Variants in DRP2 observed in about 807,000 individuals in gnomAD.
The protein encoded by DRP2 is dystrophin related protein 2.
A neutral mutation model predicts 78.2 loss-of-function variants in DRP2; 29 were observed. That is an observed-to-expected ratio of 0.37 (90% CI 0.28 to 0.51). DRP2 has a LOEUF of 0.51. Ranked by LOEUF, DRP2 falls within the 20% of genes least tolerant of loss-of-function variation. DRP2 has a pLI of 0.94. For synonymous variants in DRP2, 290 were observed against 281.9 expected, an observed-to-expected ratio of 1.03 and a Z score of -0.29; for missense variants, 686 against 770.6, an observed-to-expected ratio of 0.89 and a Z score of 1.30.
In DRP2 at chrX:101,263,161, A is replaced by G. The variant is rs1354779099; in HGVS notation, c.*2540A>G. The G allele has an allele frequency of 8.9e-6, 1 of 111,995 alleles. No homozygotes were observed. The highest frequency in any genetic ancestry group is 3.2e-5 in the African/African-American group (1 of 30,776). The allele number at this position is 111,995 out of a possible 1,213,427, so 9.2% of individuals were successfully genotyped here. A position where few individuals can be genotyped will look rare whatever the true frequency, so the allele number is the denominator to read the frequency against. ...GAGTGTATTGTTCAAGGGTCCAGGG[A>G]CAGTCACTGCAGTATGTGTGGGGAA... On this transcript the variant is annotated 3_prime_UTR_variant, in exon 24 of 24. Coordinates refer to ENST00000395209, the MANE Select transcript of DRP2 (RefSeq NM_001939.3).
chrX:101,253,980 C>T (rs1490505524), intron 17 of DRP2, among the ~76,000 whole-genome samples: 4 of 109,957 alleles, frequency 3.6e-5, no homozygotes, highest in East Asian at 2.8e-4. Flanking sequence ...CATATAAAAG[C>T]GTTTAAAGTA....
Position 101,260,661 on chromosome X carries a change from T to A in DRP2, c.*40T>A, listed in dbSNP as rs1404989061. The A allele has an allele frequency of 8.5e-7, 1 of 1,176,338 alleles. No individual in the cohort carries two copies. Among genetic ancestry groups the A allele is most frequent in the Non-Finnish European group, 1.1e-6 (1 of 878,397 alleles). On this transcript the variant is annotated 3_prime_UTR_variant, in exon 24 of 24. Transcript: ENST00000395209. ...CATCCTATAGTTCATAGTCCTCTCC[T>A]GGTTCCGGTCAAAGCCTTTCCTCAG...
chrX:101,260,005 T>G (rs1158254105), intron 22 of DRP2, 44 bp from the exon 23 acceptor site: 4 of 1,207,254 alleles, frequency 3.3e-6, no homozygotes, highest in Non-Finnish European at 4.5e-6. Context: ...CAGAGTAAGG[T>G]CAGGAAGGCA....
Position 101,242,949 on chromosome X carries a change from G to C in DRP2, c.1021G>C (p.Asp341His). Residue 341 changes from aspartate (D) to histidine (H), a missense_variant, in exon 9 of 24, where the codon GAC becomes CAC. Physicochemically the swap from Asp to His is moderately conservative, Grantham distance 81. Around this residue, in one of 2 missense-constraint regions of DRP2, gnomAD observed 423 missense variants for 531.5 expected, o/e 0.80. Coordinates refer to ENST00000395209, the MANE Select transcript of DRP2 (RefSeq NM_001939.3). Reference protein sequence around the residue: ...RLKQLQDAHRDFGPGSQHFLS... With the variant: ...RLKQLQDAHRHFGPGSQHFLS... The stretch of plus-strand genomic sequence containing the variant: ...TAAGCAGCTCCAGGATGCCCACCGG[G>C]ACTTTGGGCCTGGGTCACAGCACTT... 1 of 1,208,898 alleles carries C rather than the reference G, an allele frequency of 8.3e-7. No homozygotes were observed. Among genetic ancestry groups the C allele is most frequent in the Middle Eastern group, 2.3e-4 (1 of 4,344 alleles).
At chrX:101,250,048 A>G (rs903007208) in intron 14 of DRP2, among the ~76,000 whole-genome samples, 1 of 111,080 alleles carries the variant, frequency 9.0e-6, no homozygotes, top group Non-Finnish European at 1.9e-5. Flanking sequence ...CTGAGCCCGT[A>G]CCCCATCATC....
rs764212804 is a variant in DRP2, at chrX:101,256,083, T to A, written c.2247-35T>A. ...CTGAGTTGTTTCTCTGTTCAACAAC[T>A]GGTCACCTACTCTGCTTTCCCCACA... On this transcript the variant is annotated intron_variant, in intron 20 of 23. Coordinates refer to ENST00000395209, the MANE Select transcript of DRP2 (RefSeq NM_001939.3). 5.3e-6 allele frequency: 6 copies of A among 1,130,231 alleles called. No individual in the cohort carries two copies. In the African/African-American group the frequency reaches 9.2e-5, roughly 17 times the overall value. The allele number at this position is 1,130,231 out of a possible 1,213,427, so 93.1% of individuals were successfully genotyped here.
intron 3 of DRP2, 44 bp downstream of exon 3, chrX:101,231,808 C>A (rs777122941): frequency 1.8e-6 from 2 of 1,116,842 alleles, no homozygotes; most frequent in East Asian, 6.0e-5. Flanking sequence ...AGAAAGTGGA[C>A]ACAGGATCTG....
At chrX:101,243,409 A>C (rs963583185) in intron 9 of DRP2, among the ~76,000 whole-genome samples, 3 of 102,257 alleles carry the variant, frequency 2.9e-5, no homozygotes, top group African/African-American at 3.9e-5. Flanking sequence ...AAAAAAAAAA[A>C]AAAAAAACAC....
In DRP2 at chrX:101,234,674, G is replaced by A. The variant is rs185839146; in HGVS notation, c.118-1186G>A. 4.1e-3 allele frequency among the ~76,000 whole-genome samples: 456 copies of A among 111,214 alleles called. 2 individuals are homozygous for A. Among genetic ancestry groups the A allele is most frequent in the Middle Eastern group, 0.019 (4 of 215 alleles). On this transcript the variant is annotated intron_variant, in intron 3 of 23. Coordinates refer to ENST00000395209, the MANE Select transcript of DRP2 (RefSeq NM_001939.3). ...CCGGATCCTGCTATGGACTCCCCAG[G>A]CAGCACAGGTAGGATCAGCTCCTGG...
intron 17 of DRP2, 100 bp downstream of exon 17, chrX:101,252,816 G>A (rs917149294): frequency 2.0e-5 from 12 of 612,894 alleles, no homozygotes; most frequent in Admixed American, 3.4e-5. Context: ...CTGCTCTCCC[G>A]TGGGGAGCAT....
intron 3 of DRP2, among the ~76,000 whole-genome samples, chrX:101,232,400 G>T (rs1264211525): frequency 5.4e-5 from 6 of 111,337 alleles, no homozygotes; most frequent in Admixed American, 9.5e-5. Context: ...CTGGAGAAGG[G>T]AGACGCATAA....
At chrX:101,235,336 C>T (rs955740880) in intron 3 of DRP2, among the ~76,000 whole-genome samples, 5 of 112,396 alleles carry the variant, frequency 4.4e-5, no homozygotes, top group African/African-American at 1.3e-4. Context: ...GGAAGTAAGA[C>T]GTGGACCACT....
Position 101,260,495 on chromosome X carries a change from A to G in DRP2, c.2750-2A>G. On this transcript the variant is annotated splice_acceptor_variant, in intron 23 of 23. Coordinates refer to ENST00000395209, the MANE Select transcript of DRP2 (RefSeq NM_001939.3). LOFTEE classifies it high-confidence loss of function. The stretch of plus-strand genomic sequence containing the variant: ...TTCTCAAATCTCTGTTTTTTAACCC[A>G]GATGATGTGGGGTCAAAGAGCCAGG... The G allele has an allele frequency of 4.1e-6, 5 of 1,208,839 alleles. No individual in the cohort carries two copies. Among genetic ancestry groups the G allele is most frequent in the Non-Finnish European group, 3.4e-6 (3 of 894,520 alleles).
chrX:101,246,710 C>T (rs755486827), intron 11 of DRP2, among the ~76,000 whole-genome samples: 1 of 112,172 alleles, frequency 8.9e-6, no homozygotes, highest in East Asian at 2.8e-4. Flanking sequence ...TGTTTTCACT[C>T]TATGCAATCT....
Position 101,248,074 on chromosome X carries a change from T to C in DRP2, c.1253-15T>C, listed in dbSNP as rs1922992494. Reference sequence around the variant, plus strand: ...TTGGCTATATTTTTTTTCTCTTCTCTTCTTTCCTTACCAGTGGACCTGGTA... The same window carrying C: ...TTGGCTATATTTTTTTTCTCTTCTCCTCTTTCCTTACCAGTGGACCTGGTA... On this transcript the variant is annotated splice_polypyrimidine_tract_variant and intron_variant, in intron 12 of 23. Transcript: ENST00000395209. 1 of 1,205,793 alleles carries C rather than the reference T, an allele frequency of 8.3e-7. No homozygotes were observed. The highest frequency in any genetic ancestry group is 1.1e-6 in the Non-Finnish European group (1 of 891,770).
intron 2 of DRP2, 65 bp downstream of exon 2, chrX:101,224,771 T>G (rs2147327624): frequency 8.9e-6 from 1 of 112,561 alleles, no homozygotes; most frequent in Admixed American, 9.4e-5. Flanking sequence ...GTTGGGGAGC[T>G]TGTCCATATA....
At chrX:101,239,617 G>A (rs888967185) in intron 6 of DRP2, among the ~76,000 whole-genome samples, 3 of 110,624 alleles carry the variant, frequency 2.7e-5, no homozygotes, top group Non-Finnish European at 5.7e-5. Flanking sequence ...TCGCTCTGTC[G>A]CCCAGGCTGA....
rs62600775 is a variant in DRP2 at position 101,241,051 on chromosome X, C to T, written c.560-617C>T. ...CAGAAACTAATGCAAAATCACATTC[C>T]AGGGTCGTATGAATAGGGCTCTAGA... On this transcript the variant is annotated intron_variant, in intron 6 of 23. Coordinates refer to ENST00000395209, the MANE Select transcript of DRP2 (RefSeq NM_001939.3). Among the ~76,000 whole-genome samples the T allele has an allele frequency of 8.5e-3, 949 of 112,201 alleles. 6 individuals carry two copies. The highest frequency in any genetic ancestry group is 0.014 in the Non-Finnish European group (725 of 53,241).
chrX:101,226,868 A>G (rs1337574167), intron 2 of DRP2, among the ~76,000 whole-genome samples: 20 of 112,015 alleles, frequency 1.8e-4, no homozygotes, highest in Non-Finnish European at 2.3e-4. Flanking sequence ...TCTGTTGCTT[A>G]TAACAGAATA....
Sources: allele counts gnomAD v4.1 joint callset (sites outside exome capture counted in the v4.1 genomes callset), GRCh38; gene constraint gnomAD v4.1.1; regional missense constraint gnomAD v4.1.1; transcripts MANE v1.5; gene names NCBI Gene and HGNC (gene_info 2026-07-23, HGNC 2026-07-21).